Variants in OR9G1 observed in about 807,000 individuals in gnomAD.
OR9G1 encodes the protein olfactory receptor 9G1.
A neutral mutation model predicts 14.5 loss-of-function variants in OR9G1; 21 were observed. The observed-to-expected ratio is 1.45, with a 90% CI of 1.03 to 2.09. The LOEUF (loss-of-function observed/expected upper bound fraction) is 2.09, where lower values mean the gene tolerates loss of function less well. Among genes scored for constraint, OR9G1 ranks in the 30% most tolerant of loss-of-function variants. OR9G1 has a pLI of 0.00. For missense variants in OR9G1, 476 were observed against 364.2 expected (o/e 1.31, Z -2.50); for synonymous variants, 179 against 153.3 (o/e 1.17, Z -1.24).
intron 1 of OR9G1, 112 bp from the exon 2 acceptor site, chr11:56,700,258 A>G (rs1164465516): frequency 7.0e-7 from 1 of 1,437,978 alleles, no homozygotes; most frequent in Non-Finnish European, 9.2e-7. Context: ...AAAACAAACA[A>G]TTAGATTGTT....
chr11:56,700,851 C>T lies in OR9G1; in HGVS notation c.464C>T (p.Ser155Phe). ...TCATATTGTGGTGGCTTTATTAACT[C>T]TTCAATCATCACCAAGAAAACGTTT... ...AVSYCGGFIN[S>F]SIITKKTFSF... Residue 155 changes from serine to phenylalanine, a missense_variant, in exon 2 of 2, where the codon TCT (serine) becomes TTT (phenylalanine). By Grantham distance (155) the Ser-to-Phe change is radical. Transcript: ENST00000642097. The T allele has an allele frequency of 6.2e-7, 1 of 1,614,318 alleles. No homozygotes were observed. Among genetic ancestry groups the T allele is most frequent in the South Asian group, 1.1e-5 (1 of 91,092 alleles).
chr11:56,700,260 T>C (rs1418793025), intron 1 of OR9G1, 110 bp from the exon 2 acceptor site: 10 of 1,440,950 alleles, frequency 6.9e-6, no homozygotes, highest in Non-Finnish European at 9.2e-6. Context: ...AACAAACAAT[T>C]AGATTGTTGG....
At position 56,701,553 on chromosome 11, in the gene OR9G1, T is replaced by G; in HGVS notation, c.*248T>G. ...TAAACCTTAAGCCCAAAACCTCTCCTATACCTTCATAAAGTGAGGAACAGC... is the reference window on the plus strand; with the variant it reads ...TAAACCTTAAGCCCAAAACCTCTCCGATACCTTCATAAAGTGAGGAACAGC... On this transcript the variant is annotated 3_prime_UTR_variant, in exon 2 of 2. Transcript: ENST00000642097. The G allele has an allele frequency of 1.7e-6, 1 of 598,180 alleles. No individual in the cohort carries two copies. The allele number at this position is 598,180 out of a possible 1,614,324, so 37.1% of individuals were successfully genotyped here.
chr11:56,702,846 A>C lies in OR9G1; in HGVS notation c.*1541A>C, dbSNP rs1857665165. The C allele has an allele frequency of 6.6e-6, 1 of 152,320 alleles. No individual in the cohort carries two copies. Among genetic ancestry groups the C allele is most frequent in the African/African-American group, 2.4e-5 (1 of 41,486 alleles). 9.4% of individuals were successfully genotyped at this position (152,320 alleles called of 1,614,324 possible). ...AAGTTCTGGTGAACTATTGCAGGAC[A>C]AGGTGACTACAGTTAACAGTAATGT... is the stretch of plus-strand genomic sequence containing the variant. On this transcript the variant is annotated 3_prime_UTR_variant, in exon 2 of 2. Coordinates refer to ENST00000642097, the MANE Select transcript of OR9G1 (RefSeq NM_001005213.2).
rs201542034 is a variant in OR9G1 at position 56,700,909 on chromosome 11, T to G, written c.522T>G (p.Asp174Glu). ...SFNFCRENII[D>E]DFFCDLLPLV... ...ACTTCTGCCGTGAAAACATCATTGATGACTTTTTCTGTGATTTGCTTCCCT... is the reference window on the plus strand; with the variant it reads ...ACTTCTGCCGTGAAAACATCATTGAGGACTTTTTCTGTGATTTGCTTCCCT... The change falls in exon 2 of 2, where the codon GAT becomes GAG. Residue 174 changes from aspartate to glutamate, a missense_variant. Physicochemically the swap from Asp to Glu is conservative, Grantham distance 45. Around this residue, in one of 3 missense-constraint regions of OR9G1, gnomAD observed 352 missense variants for 211.6 expected, o/e 1.66. Coordinates refer to ENST00000642097, the MANE Select transcript of OR9G1 (RefSeq NM_001005213.2). The G allele has an allele frequency of 1.0e-4, 163 of 1,614,072 alleles. No homozygotes were observed. In the East Asian group the frequency reaches 2.4e-3, roughly 24 times the overall value.
In OR9G1 at chr11:56,701,392, T is replaced by C. The variant is rs1857630891; in HGVS notation, c.*87T>C. ...CAAACAGAGTTACCATTGTGCTTTA[T>C]CGTGATCAGTCCCCTTCTTGACACG... On this transcript the variant is annotated 3_prime_UTR_variant, in exon 2 of 2. Transcript: ENST00000642097. 18 of 1,491,200 alleles carry C rather than the reference T, an allele frequency of 1.2e-5. No homozygotes were observed. The South Asian group carries it at 2.2e-4, about 18-fold the overall frequency. 92.4% of individuals were successfully genotyped at this position (1,491,200 alleles called of 1,614,324 possible).
chr11:56,700,445 C>A lies in OR9G1; in HGVS notation c.58C>A (p.Pro20Thr). 5 of 1,614,314 alleles carry A rather than the reference C, an allele frequency of 3.1e-6. No individual in the cohort carries two copies. The highest frequency in any genetic ancestry group is 2.2e-5 in the East Asian group (1 of 44,896). Reference sequence around the variant, plus strand: ...TATACTGCTGGGCTTCACCACAGACCCAGGAATGCAGCTGGGCCTCTTCGT... The same window carrying A: ...TATACTGCTGGGCTTCACCACAGACACAGGAATGCAGCTGGGCCTCTTCGT... Reference protein sequence around the residue: ...EFILLGFTTDPGMQLGLFVVF... With the variant: ...EFILLGFTTDTGMQLGLFVVF... Residue 20 changes from proline (P) to threonine (T), a missense_variant, in exon 2 of 2, where the codon CCA becomes ACA. By Grantham distance (38) the Pro-to-Thr change is conservative. Around this residue, in one of 3 missense-constraint regions of OR9G1, gnomAD observed 89 missense variants for 85.1 expected, o/e 1.05. Coordinates refer to ENST00000642097, the MANE Select transcript of OR9G1 (RefSeq NM_001005213.2).
chr11:56,701,042 T>G lies in OR9G1; in HGVS notation c.655T>G (p.Phe219Val). 6.2e-7 allele frequency: 1 copy of G among 1,614,264 alleles called. No homozygotes were observed. The highest frequency in any genetic ancestry group is 2.2e-5 in the East Asian group (1 of 44,896). Residue 219 changes from phenylalanine (F) to valine (V), a missense_variant, in exon 2 of 2, where the codon TTT (phenylalanine) becomes GTT (valine). Coordinates refer to ENST00000642097, the MANE Select transcript of OR9G1 (RefSeq NM_001005213.2). ...PAVLILASYL[F>V]IITSVLRISS... ...AGTGCTCATCCTGGCCTCCTACCTCTTTATCATCACCAGTGTCTTGAGGAT... is the reference window on the plus strand; with the variant it reads ...AGTGCTCATCCTGGCCTCCTACCTCGTTATCATCACCAGTGTCTTGAGGAT...
rs1034681836 is a variant in OR9G1, at chr11:56,701,951, G to T, written c.*646G>T. On this transcript the variant is annotated 3_prime_UTR_variant, in exon 2 of 2. Coordinates refer to ENST00000642097, the MANE Select transcript of OR9G1 (RefSeq NM_001005213.2). ...CAGAGCTCCTCTTTATTTTACAGGG[G>T]TGAACTTACAAGGACTTTTACATTA... is the stretch of plus-strand genomic sequence containing the variant. 6.6e-6 allele frequency: 1 copy of T among 152,314 alleles called. No homozygotes were observed. Among genetic ancestry groups the T allele is most frequent in the African/African-American group, 2.4e-5 (1 of 41,486 alleles). 9.4% of individuals were successfully genotyped at this position (152,314 alleles called of 1,614,324 possible).
At chr11:56,700,159 C>A (rs1009570459) in intron 1 of OR9G1, among the ~76,000 whole-genome samples, 1 of 152,300 alleles carries the variant, frequency 6.6e-6, no homozygotes, top group Admixed American at 6.5e-5. Context: ...ACAGTCATTC[C>A]TAAAGGAAAA....
Position 56,700,623 on chromosome 11 carries a change from A to G in OR9G1, c.236A>G (p.Lys79Arg), listed in dbSNP as rs1270334090. ...DLWYSSVYTPKILVTCISEDK... is the reference protein window; with the variant it reads ...DLWYSSVYTPRILVTCISEDK... The stretch of plus-strand genomic sequence containing the variant: ...TGGTATTCTTCTGTCTACACCCCAA[A>G]GATCCTAGTGACCTGCATCTCTGAA... The change falls in exon 2 of 2, where the codon AAG (lysine) becomes AGG (arginine). Residue 79 changes from lysine to arginine, a missense_variant. Physicochemically the swap from Lys to Arg is conservative, Grantham distance 26. Coordinates refer to ENST00000642097, the MANE Select transcript of OR9G1 (RefSeq NM_001005213.2). 1.9e-6 allele frequency: 3 copies of G among 1,614,198 alleles called. No homozygotes were observed. The highest frequency in any genetic ancestry group is 2.5e-6 in the Non-Finnish European group (3 of 1,180,068).
At position 56,701,194 on chromosome 11, in the gene OR9G1, G is replaced by A. The variant is rs1857624381; in HGVS notation, c.807G>A (p.Met269Ile). Residue 269 changes from methionine to isoleucine, a missense_variant, in exon 2 of 2, where the codon ATG becomes ATA. This residue lies in a region of OR9G1 where 352 missense variants were observed against 211.6 expected (regional missense o/e 1.66). Transcript: ENST00000642097. ...CCAGATCTAGCTATTCTTTTGATAT[G>A]GACAAAATAGTTTCTACATTTTACA... Reference protein sequence around the residue: ...ALPRSSYSFDMDKIVSTFYTV... With the variant: ...ALPRSSYSFDIDKIVSTFYTV... 1.2e-6 allele frequency: 2 copies of A among 1,614,300 alleles called. No individual in the cohort carries two copies. The highest frequency in any genetic ancestry group is 1.1e-5 in the South Asian group (1 of 91,090).
In OR9G1 at chr11:56,702,503, A is replaced by C. The variant is rs1286262290; in HGVS notation, c.*1198A>C. ...TTTCAAAATGGCTGTGCTAATGTAC[A>C]TTCCCATCAATGGAGTATAAGAGTT... On this transcript the variant is annotated 3_prime_UTR_variant, in exon 2 of 2. Coordinates refer to ENST00000642097, the MANE Select transcript of OR9G1 (RefSeq NM_001005213.2). 1 of 152,250 alleles carries C rather than the reference A, an allele frequency of 6.6e-6. No homozygotes were observed. The highest frequency in any genetic ancestry group is 1.5e-5 in the Non-Finnish European group (1 of 68,032). 9.4% of individuals were successfully genotyped at this position (152,250 alleles called of 1,614,324 possible).
At chr11:56,700,220 C>A in intron 1 of OR9G1, 150 bp from the exon 2 acceptor site, 1 of 1,235,046 alleles carries the variant, frequency 8.1e-7, no homozygotes, top group Non-Finnish European at 1.1e-6. Flanking sequence ...AATTGCAAAG[C>A]CTGATTGTTG....
At chr11:56,700,332 A>T (rs1311401937) in intron 1 of OR9G1, 38 bp from the exon 2 acceptor site, 1 of 1,597,312 alleles carries the variant, frequency 6.3e-7, no homozygotes, top group Non-Finnish European at 8.5e-7. Flanking sequence ...CATATTCATG[A>T]CAGTAATGCA....
Position 56,700,727 on chromosome 11 carries a change from C to A in OR9G1, c.340C>A (p.Leu114Met). The change falls in exon 2 of 2, where the codon CTG becomes ATG. Residue 114 changes from leucine (L) to methionine (M), a missense_variant. By Grantham distance (15) the Leu-to-Met change is conservative. Around this residue, in one of 3 missense-constraint regions of OR9G1, gnomAD observed 35 missense variants for 67.6 expected, o/e 0.52. Coordinates refer to ENST00000642097, the MANE Select transcript of OR9G1 (RefSeq NM_001005213.2). ...GCTGGCCTATAGTGAGTGCTACCTGCTGGCTGCCGTGGCTTATGACCGCTA... is the reference window on the plus strand; with the variant it reads ...GCTGGCCTATAGTGAGTGCTACCTGATGGCTGCCGTGGCTTATGACCGCTA... ...AGLAYSECYL[L>M]AAVAYDRYVA... 6.2e-7 allele frequency: 1 copy of A among 1,614,272 alleles called. No individual in the cohort carries two copies. The highest frequency in any genetic ancestry group is 8.5e-7 in the Non-Finnish European group (1 of 1,180,016).
rs970564134 is a variant in OR9G1, at chr11:56,702,387, T to C, written c.*1082T>C. The C allele has an allele frequency of 1.3e-5, 2 of 152,276 alleles. No individual in the cohort carries two copies. Among genetic ancestry groups the C allele is most frequent in the African/African-American group, 4.8e-5 (2 of 41,486 alleles). 9.4% of individuals were successfully genotyped at this position (152,276 alleles called of 1,614,324 possible). A position where few individuals can be genotyped will look rare whatever the true frequency, so the allele number is the denominator to read the frequency against. ...CACAGATATCTCCTCAACATACCTA[T>C]ATCAATTCCTGTAAGCATCTACCCA... On this transcript the variant is annotated 3_prime_UTR_variant, in exon 2 of 2. Transcript: ENST00000642097.
chr11:56,699,388 A>C (rs1857566869), intron 1 of OR9G1, among the ~76,000 whole-genome samples, 198 bp downstream of exon 1: 1 of 152,312 alleles, frequency 6.6e-6, no homozygotes. Flanking sequence ...TTTACTCAGA[A>C]ATAACACTGT....
At chr11:56,699,494 A>G (rs1402939663) in intron 1 of OR9G1, among the ~76,000 whole-genome samples, 1 of 152,308 alleles carries the variant, frequency 6.6e-6, no homozygotes, top group Non-Finnish European at 1.5e-5. Flanking sequence ...ACAAATACAA[A>G]TCATGTACAC....
Sources: allele counts gnomAD v4.1 joint callset (sites outside exome capture counted in the v4.1 genomes callset), GRCh38; gene constraint gnomAD v4.1.1; regional missense constraint gnomAD v4.1.1; transcripts MANE v1.5; gene names NCBI Gene and HGNC (gene_info 2026-07-23, HGNC 2026-07-21).